KIAA1217: variants seen among roughly 807,000 people sequenced by gnomAD.
KIAA1217 encodes KIAA1217.
In KIAA1217, 88 loss-of-function variants were observed where a neutral mutation model predicts 163.9. The ratio of observed to expected loss-of-function variants is 0.54; its 90% CI spans 0.45 to 0.64. The LOEUF (loss-of-function observed/expected upper bound fraction) is 0.64, where lower values mean the gene tolerates loss of function less well. KIAA1217 is among the 30% of genes least tolerant of loss of function. The probability of loss-of-function intolerance (pLI) is 0.00; values close to 1 mark genes in which losing one functional copy is unlikely to be tolerated. For synonymous variants in KIAA1217, 903 were observed against 923.1 expected (o/e 0.98, Z 0.39); for missense variants, 2,372 against 2,475.0 (o/e 0.96, Z 0.88).
chr10:24,347,964 G>A (rs1405509275), intron 2 of KIAA1217, among the ~76,000 whole-genome samples: 1 of 152,180 alleles, frequency 6.6e-6, no homozygotes, highest in Admixed American at 6.5e-5. Flanking sequence ...TCATTCATAT[G>A]CATATTCATA....
intron 1 of KIAA1217, among the ~76,000 whole-genome samples, chr10:24,216,490 T>C (rs1168160093): frequency 6.6e-6 from 1 of 152,144 alleles, no homozygotes; most frequent in Non-Finnish European, 1.5e-5. Context: ...TTAAAATATA[T>C]TTTCTTAATA....
intron 2 of KIAA1217, among the ~76,000 whole-genome samples, chr10:24,050,760 G>C (rs1849445070): frequency 6.6e-6 from 1 of 151,972 alleles, no homozygotes; most frequent in Non-Finnish European, 1.5e-5. Flanking sequence ...TAAGGAAAAA[G>C]CCAGAGTTAG....
chr10:24,181,317 C>T (rs1589803096), intron 2 of KIAA1217, among the ~76,000 whole-genome samples: 1 of 152,204 alleles, frequency 6.6e-6, no homozygotes, highest in East Asian at 1.9e-4. Context: ...GAAGTAGGAC[C>T]TGGCTAGATG....
chr10:23,732,250 G>T (rs1214854394), intron 1 of KIAA1217, among the ~76,000 whole-genome samples: 1 of 151,914 alleles, frequency 6.6e-6, no homozygotes, highest in Non-Finnish European at 1.5e-5. Context: ...AATAAATATT[G>T]ATTCAATCTC....
intron 1 of KIAA1217, among the ~76,000 whole-genome samples, chr10:23,995,369 G>A (rs892375928): frequency 2.0e-5 from 3 of 151,992 alleles, no homozygotes; most frequent in Non-Finnish European, 4.4e-5. Flanking sequence ...AACCTGACAT[G>A]TTCATAATTG....
chr10:24,376,694 C>T (rs934756327), intron 2 of KIAA1217, among the ~76,000 whole-genome samples: 5 of 152,082 alleles, frequency 3.3e-5, no homozygotes, highest in Non-Finnish European at 5.9e-5. Context: ...CCTGGGAGAT[C>T]GAGGCTGCAG....
In KIAA1217 at chr10:24,510,721, C is replaced by T. The variant is rs541466558; in HGVS notation, c.2002-2538C>T. 1.3e-4 allele frequency among the ~76,000 whole-genome samples: 20 copies of T among 152,246 alleles called. No individual in the cohort carries two copies. The South Asian group carries it at 2.5e-3, about 19-fold the overall frequency. The stretch of plus-strand genomic sequence containing the variant: ...AGCAAATCATCTTGATAGCACGTGG[C>T]TTTGCTGTGTGTGGTTAATCAACCG... On this transcript the variant is annotated intron_variant, in intron 9 of 20. Transcript: ENST00000376454.
intron 2 of KIAA1217, among the ~76,000 whole-genome samples, chr10:24,365,264 A>G (rs2050615507): frequency 6.6e-6 from 1 of 152,132 alleles, no homozygotes; most frequent in South Asian, 2.1e-4. Context: ...CCCTCCTGGC[A>G]GACTCACTGG....
Position 23,695,610 on chromosome 10 carries a change from A to G in KIAA1217, c.-321+376A>G, listed in dbSNP as rs76435682. Among the ~76,000 whole-genome samples, 10,356 of 152,120 alleles carry G rather than the reference A, an allele frequency of 0.068. 1,016 individuals are homozygous for G. Among genetic ancestry groups the G allele is most frequent in the African/African-American group, 0.22 (8,921 of 41,476 alleles). The stretch of plus-strand genomic sequence containing the variant: ...GCCAGGGGCTTATATAGGTGCGACT[A>G]GGATGTTGCCTCGTTTTTCACTCGG... On this transcript the variant is annotated intron_variant, in intron 1 of 18. Coordinates refer to the KIAA1217 transcript ENST00000376462. The surrounding 1 kb of genome is among the most constrained non-coding windows in gnomAD (Gnocchi z 4.9).
intron 1 of KIAA1217, among the ~76,000 whole-genome samples, chr10:23,837,049 CCA>C (rs1304588128): frequency 6.6e-6 from 1 of 152,158 alleles, no homozygotes; most frequent in Non-Finnish European, 1.5e-5. Flanking sequence ...GTCTATAATT[CCA>C]CACTCTATGT....
intron 2 of KIAA1217, among the ~76,000 whole-genome samples, chr10:24,229,134 C>A (rs1049990790): frequency 6.6e-6 from 1 of 152,130 alleles, no homozygotes; most frequent in Non-Finnish European, 1.5e-5. Flanking sequence ...TCAAAATTTA[C>A]GTACATGCAT....
At chr10:24,431,121 C>T (rs2059572263) in intron 3 of KIAA1217, among the ~76,000 whole-genome samples, 1 of 152,196 alleles carries the variant, frequency 6.6e-6, no homozygotes, top group South Asian at 2.1e-4. Context: ...CATTCCCTTA[C>T]TTCTTTGATG....
intron 2 of KIAA1217, among the ~76,000 whole-genome samples, chr10:24,163,498 T>A (rs1018069220): frequency 3.3e-5 from 5 of 152,328 alleles, no homozygotes; most frequent in African/African-American, 9.6e-5. Context: ...AATTTTCCAA[T>A]GAGTTTCCCT....
chr10:24,511,152 C>CA (rs58529942), intron 9 of KIAA1217, among the ~76,000 whole-genome samples: 4 of 34,512 alleles, frequency 1.2e-4, no homozygotes, highest in Admixed American at 4.8e-4. Flanking sequence ...GACTCTGTCT[C>CA]AAAAAAAAAA....
At chr10:24,192,704 T>G (rs2066783102) in intron 2 of KIAA1217, among the ~76,000 whole-genome samples, 1 of 152,222 alleles carries the variant, frequency 6.6e-6, no homozygotes, top group African/African-American at 2.4e-5. Flanking sequence ...TCTGCATGTG[T>G]GACCAGAGGT....
At chr10:24,480,704 G>A (rs935490115) in intron 6 of KIAA1217, among the ~76,000 whole-genome samples, 3 of 152,178 alleles carry the variant, frequency 2.0e-5, no homozygotes, top group African/African-American at 7.2e-5. Context: ...TAAATACACA[G>A]AGTTGGCAAG....
At chr10:23,739,780 A>C (rs1362159912) in intron 1 of KIAA1217, among the ~76,000 whole-genome samples, 1 of 152,156 alleles carries the variant, frequency 6.6e-6, no homozygotes, top group Non-Finnish European at 1.5e-5. Context: ...GATCCTGTGG[A>C]TCTCACCTTG....
Position 24,106,585 on chromosome 10 carries a change from G to A in KIAA1217, c.-171+99211G>A, listed in dbSNP as rs548598081. On this transcript the variant is annotated intron_variant, in intron 2 of 18. Transcript: ENST00000376462. ...TTACATGACAGAAAAAAAAACCCTT[G>A]TGTGTTTATGCCTCAGTGATGGGAG... Among the ~76,000 whole-genome samples the A allele has an allele frequency of 4.5e-4, 68 of 152,026 alleles. 1 individual carries two copies. The South Asian group carries it at 0.013, about 30-fold the overall frequency.
At chr10:24,125,281 A>C (rs1564729530) in intron 2 of KIAA1217, among the ~76,000 whole-genome samples, 1 of 151,636 alleles carries the variant, frequency 6.6e-6, no homozygotes, top group African/African-American at 2.4e-5. Flanking sequence ...AAAAGAAAAG[A>C]AAGTTGGTTG....
Sources: allele counts gnomAD v4.1 joint callset (sites outside exome capture counted in the v4.1 genomes callset), GRCh38; gene constraint gnomAD v4.1.1; non-coding constraint Gnocchi (gnomAD v3.1); transcripts MANE v1.5; gene names NCBI Gene and HGNC (gene_info 2026-07-23, HGNC 2026-07-21).